The following SORCS2 variants were observed in gnomAD, a reference collection of about 807,000 sequenced individuals.
The protein encoded by SORCS2 is VPS10 domain-containing receptor SorCS2.
A neutral mutation model predicts 141.6 loss-of-function variants in SORCS2; 100 were observed. The ratio of observed to expected loss-of-function variants is 0.71; its 90% CI spans 0.60 to 0.83. The LOEUF (loss-of-function observed/expected upper bound fraction) is 0.83. Among genes scored for constraint, SORCS2 ranks in the 40% least tolerant of loss-of-function variants. The pLI is 0.00. For synonymous variants in SORCS2, 789 were observed against 676.9 expected, an observed-to-expected ratio of 1.17 and a Z score of -2.57; for missense variants, 1,646 against 1,560.2, an observed-to-expected ratio of 1.05 and a Z score of -0.93.
At chr4:7,567,309 T>G (rs1247493272) in intron 3 of SORCS2, among the ~76,000 whole-genome samples, 1 of 152,098 alleles carries the variant, frequency 6.6e-6, no homozygotes, top group Non-Finnish European at 1.5e-5. Context: ...TTCATCGATC[T>G]CAGGATCCCA....
intron 2 of SORCS2, among the ~76,000 whole-genome samples, chr4:7,439,698 A>G (rs534688384): frequency 2.6e-5 from 4 of 152,168 alleles, no homozygotes; most frequent in East Asian, 1.9e-4. Context: ...ATGTTATGAG[A>G]TCCAGGCATG....
chr4:7,289,252 A>T (rs567354313), intron 1 of SORCS2, among the ~76,000 whole-genome samples: 1 of 152,100 alleles, frequency 6.6e-6, no homozygotes, highest in South Asian at 2.1e-4. Flanking sequence ...TCTACCTGGA[A>T]GACCCTCCTT....
chr4:7,688,999 G>C (rs1363909350), intron 10 of SORCS2, among the ~76,000 whole-genome samples: 1 of 152,216 alleles, frequency 6.6e-6, no homozygotes, highest in Non-Finnish European at 1.5e-5. Context: ...TCACATAAGA[G>C]GCTCCCAATA....
intron 4 of SORCS2, among the ~76,000 whole-genome samples, chr4:7,640,607 G>T (rs1449528392): frequency 6.6e-6 from 1 of 151,830 alleles, no homozygotes; most frequent in Non-Finnish European, 1.5e-5. Flanking sequence ...CACACAGATA[G>T]CCTGGGGTGA....
intron 1 of SORCS2, among the ~76,000 whole-genome samples, chr4:7,298,970 G>A (rs929980409): frequency 3.9e-5 from 6 of 152,266 alleles, no homozygotes; most frequent in Admixed American, 6.5e-5. Flanking sequence ...CAGCATCGCA[G>A]AGTTGTGCAA....
rs547379095 is a variant in SORCS2, at chr4:7,276,603, C to T, written c.480+83477C>T. ...GGCCCCGGGAAACGCACTGGAAACT[C>T]AGGTGGGCCTAATTCTTGGCCTACA... is the stretch of plus-strand genomic sequence containing the variant. On this transcript the variant is annotated intron_variant, in intron 1 of 26. Transcript: ENST00000507866. 3.9e-3 allele frequency among the ~76,000 whole-genome samples: 598 copies of T among 152,302 alleles called. 12 individuals carry two copies. Among genetic ancestry groups the T allele is most frequent in the Admixed American group, 5.2e-3 (79 of 15,298 alleles).
chr4:7,264,055 C>T (rs1183307605), intron 1 of SORCS2, among the ~76,000 whole-genome samples: 1 of 152,178 alleles, frequency 6.6e-6, no homozygotes, highest in East Asian at 1.9e-4. Context: ...AGAGGCCCCC[C>T]TCCCTTTGGA....
At chr4:7,695,914 GGATGGATGGATT>G (rs1724667196) in intron 11 of SORCS2, among the ~76,000 whole-genome samples, 2 of 135,772 alleles carry the variant, frequency 1.5e-5, no homozygotes, top group African/African-American at 5.5e-5. Context: ...ATGGATGGAT[GGATGGATGGATT>G]GGTGGGTGGG....
intron 2 of SORCS2, among the ~76,000 whole-genome samples, chr4:7,456,754 T>C (rs1004211369): frequency 6.6e-6 from 1 of 152,158 alleles, no homozygotes; most frequent in African/African-American, 2.4e-5. Context: ...GGGTGCCTGC[T>C]GCTTGTCCCC....
chr4:7,668,968 G>C (rs894624866), intron 8 of SORCS2, among the ~76,000 whole-genome samples: 1 of 152,284 alleles, frequency 6.6e-6, no homozygotes, highest in African/African-American at 2.4e-5. Context: ...TGCTGCCAAG[G>C]GTGCTCTAAG....
intron 1 of SORCS2, among the ~76,000 whole-genome samples, chr4:7,309,415 T>C (rs1023203948): frequency 6.6e-6 from 1 of 152,038 alleles, no homozygotes; most frequent in African/African-American, 2.4e-5. Flanking sequence ...TTAGCAAGTG[T>C]GAGAACGCTG....
chr4:7,385,294 T>C (rs1262474229), intron 1 of SORCS2, among the ~76,000 whole-genome samples: 3 of 152,162 alleles, frequency 2.0e-5, no homozygotes, highest in Non-Finnish European at 4.4e-5. Flanking sequence ...GGTAAATAAA[T>C]GCAGGATCAG....
In SORCS2 at chr4:7,291,813, G is replaced by A. The variant is rs142875223; in HGVS notation, c.480+98687G>A. On this transcript the variant is annotated intron_variant, in intron 1 of 26. Transcript: ENST00000507866. ...TCTTTATGGACACGGAAGCCGATAT[G>A]CAAAGAGGAAGGTCTCCAGGGTTTT... Among the ~76,000 whole-genome samples, 21 of 152,334 alleles carry A rather than the reference G, an allele frequency of 1.4e-4. No individual in the cohort carries two copies. In the East Asian group the frequency reaches 4.0e-3, roughly 29 times the overall value.
intron 2 of SORCS2, among the ~76,000 whole-genome samples, chr4:7,522,577 G>A (rs1733396593): frequency 1.3e-5 from 2 of 152,152 alleles, no homozygotes; most frequent in Non-Finnish European, 2.9e-5. Flanking sequence ...GAGGCGCTCA[G>A]TAAGCGCTGT....
intron 2 of SORCS2, among the ~76,000 whole-genome samples, chr4:7,519,347 A>G (rs534751859): frequency 2.9e-4 from 44 of 152,294 alleles, no homozygotes; most frequent in African/African-American, 9.9e-4. Flanking sequence ...CGAGAACCAC[A>G]ATGCCACTTC....
chr4:7,239,351 C>T (rs944059077), intron 1 of SORCS2, among the ~76,000 whole-genome samples: 16 of 152,278 alleles, frequency 1.1e-4, no homozygotes, highest in African/African-American at 3.6e-4. Flanking sequence ...TTTGGACTGC[C>T]AGGAGCAGCT....
chr4:7,600,496 G>A (rs1479935432), intron 3 of SORCS2, among the ~76,000 whole-genome samples: 3 of 152,142 alleles, frequency 2.0e-5, no homozygotes, highest in Non-Finnish European at 4.4e-5. Flanking sequence ...AGGTTTAGGA[G>A]GGGCCACACC....
intron 20 of SORCS2, among the ~76,000 whole-genome samples, chr4:7,726,018 G>A (rs1351332517): frequency 1.3e-5 from 2 of 152,234 alleles, no homozygotes; most frequent in Non-Finnish European, 2.9e-5. Flanking sequence ...CCCTTCACCT[G>A]GCAGAGCCTC....
At chr4:7,679,440 C>T (rs1312446114) in intron 9 of SORCS2, among the ~76,000 whole-genome samples, 3 of 152,150 alleles carry the variant, frequency 2.0e-5, no homozygotes, top group African/African-American at 7.2e-5. Flanking sequence ...ATTTTTGCAG[C>T]GTCATGAAGT....
Sources: allele counts gnomAD v4.1 joint callset (sites outside exome capture counted in the v4.1 genomes callset), GRCh38; gene constraint gnomAD v4.1.1; transcripts MANE v1.5; gene names NCBI Gene and HGNC (gene_info 2026-07-23, HGNC 2026-07-21).